Variants in MGLL observed in about 807,000 individuals in gnomAD.
MGLL encodes the protein lysophospholipase homolog.
MGLL carries 7 observed loss-of-function variants against 29.1 expected under a neutral mutation model. That is an observed-to-expected ratio of 0.24 (90% CI 0.14 to 0.45). The LOEUF (loss-of-function observed/expected upper bound fraction) is 0.45. Ranked by LOEUF, MGLL falls within the 20% of genes least tolerant of loss-of-function variation. The pLI is 0.99. For synonymous variants in MGLL, 148 were observed against 168.3 expected, an observed-to-expected ratio of 0.88 and a Z score of 0.93; for missense variants, 356 against 413.6, an observed-to-expected ratio of 0.86 and a Z score of 1.21.
At position 127,737,630 on chromosome 3, in the gene MGLL, C is replaced by CTTTTTTT. The variant is rs774965066; in HGVS notation, c.263-15071_263-15065dup. Among the ~76,000 whole-genome samples, 482 of 68,588 alleles carry CTTTTTTT rather than the reference C, an allele frequency of 7.0e-3. 44 individuals carry two copies. Among genetic ancestry groups the CTTTTTTT allele is most frequent in the African/African-American group, 0.016 (215 of 13,568 alleles). 45.0% of individuals were successfully genotyped at this position (68,588 alleles called of 152,430 possible). ...GACACAGTGAAATCATCAACTGCTT[C>CTTTTTTT]TTTTTTTTTTTTTTTTTTTTTTTTT... On this transcript the variant is annotated intron_variant, in intron 3 of 7. Coordinates refer to ENST00000265052, the MANE Select transcript of MGLL (RefSeq NM_007283.7).
intron 6 of MGLL, among the ~76,000 whole-genome samples, chr3:127,700,208 G>T (rs565924231): frequency 6.6e-6 from 1 of 152,256 alleles, no homozygotes; most frequent in South Asian, 2.1e-4. Flanking sequence ...TTAGAAACCT[G>T]CAGGAACCCT....
In MGLL at chr3:127,720,908, G is replaced by A. The variant is rs889104785; in HGVS notation, c.510+145C>T. 21 of 740,550 alleles carry A rather than the reference G, an allele frequency of 2.8e-5. 1 individual carries two copies. Among genetic ancestry groups the A allele is most frequent in the South Asian group, 2.5e-4 (16 of 64,914 alleles). 45.9% of individuals were successfully genotyped at this position (740,550 alleles called of 1,614,324 possible). On this transcript the variant is annotated intron_variant, in intron 5 of 7. Coordinates refer to ENST00000265052, the MANE Select transcript of MGLL (RefSeq NM_007283.7). The stretch of plus-strand genomic sequence containing the variant: ...ATTACAGAACCCCGGTGGCAACAGT[G>A]TTGGATATTTGTCCAACCCCTCACG...
At chr3:127,767,914 C>T (rs1349574273) in intron 3 of MGLL, among the ~76,000 whole-genome samples, 1 of 152,164 alleles carries the variant, frequency 6.6e-6, no homozygotes, top group Non-Finnish European at 1.5e-5. Context: ...ACTGTTTAAT[C>T]CTCATAACAA....
intron 3 of MGLL, among the ~76,000 whole-genome samples, chr3:127,747,486 T>C (rs535493293): frequency 6.6e-6 from 1 of 152,228 alleles, no homozygotes; most frequent in South Asian, 2.1e-4. Context: ...TGTCTTTGTA[T>C]CTCCAGCACC....
chr3:127,770,624 G>A (rs1165140016), intron 3 of MGLL, among the ~76,000 whole-genome samples: 1 of 152,174 alleles, frequency 6.6e-6, no homozygotes, highest in Non-Finnish European at 1.5e-5. Context: ...AGGGCCAGGT[G>A]CAGCTGCATA....
intron 3 of MGLL, among the ~76,000 whole-genome samples, chr3:127,726,596 T>A (rs563653889): frequency 6.6e-6 from 1 of 151,928 alleles, no homozygotes; most frequent in Non-Finnish European, 1.5e-5. Context: ...GCCCAGCTAA[T>A]TTTTTTCTAT....
At chr3:127,769,472 C>T (rs2076913661) in intron 3 of MGLL, among the ~76,000 whole-genome samples, 1 of 152,248 alleles carries the variant, frequency 6.6e-6, no homozygotes, top group East Asian at 1.9e-4. Flanking sequence ...GCTGCCCTCA[C>T]TTAGTGCCAT....
intron 3 of MGLL, among the ~76,000 whole-genome samples, chr3:127,755,552 ATGCAGCGGCGAGACTCAG>A (rs1415016096): frequency 6.6e-6 from 1 of 152,160 alleles, no homozygotes; most frequent in African/African-American, 2.4e-5. Context: ...GGCGGACCAC[ATGCAGCGGCGAGACTCAG>A]TGCAGCCGGG....
intron 3 of MGLL, chr3:127,735,999 C>T (rs1223318198): frequency 1.4e-6 from 2 of 1,421,204 alleles, no homozygotes; most frequent in Non-Finnish European, 1.8e-6. Flanking sequence ...ACGCTAAAAG[C>T]TCCCAGGTTT....
chr3:127,715,942 T>C (rs186621505), intron 5 of MGLL: 76 of 407,194 alleles, frequency 1.9e-4, no homozygotes, highest in African/African-American at 1.4e-3. Flanking sequence ...TACAGGAGCA[T>C]TGAGAGAGCC....
At position 127,733,440 on chromosome 3, in the gene MGLL, C is replaced by G. The variant is rs558732826; in HGVS notation, c.263-10874G>C. Among the ~76,000 whole-genome samples, 10 of 152,316 alleles carry G rather than the reference C, an allele frequency of 6.6e-5. No homozygotes were observed. In the South Asian group the frequency reaches 2.1e-3, roughly 32 times the overall value. The stretch of plus-strand genomic sequence containing the variant: ...TTTCATGTTACTCTATGGACTCCCT[C>G]TAAATTCCTTCTTGCTTAAGATCCA... On this transcript the variant is annotated intron_variant, in intron 3 of 7. Transcript: ENST00000265052.
At chr3:127,738,441 C>G (rs2076281682) in intron 3 of MGLL, among the ~76,000 whole-genome samples, 2 of 152,182 alleles carry the variant, frequency 1.3e-5, no homozygotes, top group Non-Finnish European at 2.9e-5. Flanking sequence ...AATTCTACCT[C>G]CCAAGGAGCT....
chr3:127,784,240 G>T (rs1251334076), intron 2 of MGLL, among the ~76,000 whole-genome samples: 1 of 152,140 alleles, frequency 6.6e-6, no homozygotes, highest in Non-Finnish European at 1.5e-5. Flanking sequence ...GAGTCACCTG[G>T]GGAGCTTTCA....
intron 4 of MGLL, among the ~76,000 whole-genome samples, chr3:127,721,553 A>G (rs1171326734): frequency 7.1e-6 from 1 of 141,826 alleles, no homozygotes; most frequent in Non-Finnish European, 1.5e-5. Flanking sequence ...TCTGATCATA[A>G]TAATAGATTG....
At chr3:127,726,673 A>T (rs2076053059) in intron 3 of MGLL, among the ~76,000 whole-genome samples, 1 of 151,918 alleles carries the variant, frequency 6.6e-6, no homozygotes, top group Non-Finnish European at 1.5e-5. Flanking sequence ...CTTGTGATCC[A>T]CCCACCTCAG....
At chr3:127,765,509 T>TGGCA (rs2076840769) in intron 3 of MGLL, among the ~76,000 whole-genome samples, 2 of 152,262 alleles carry the variant, frequency 1.3e-5, no homozygotes, top group Admixed American at 6.5e-5. Context: ...AGCATTCAGA[T>TGGCA]GGCACACTTG....
At position 127,756,024 on chromosome 3, in the gene MGLL, G is replaced by A. The variant is rs146449572; in HGVS notation, c.262+25765C>T. Among the ~76,000 whole-genome samples the A allele has an allele frequency of 2.0e-3, 312 of 152,318 alleles. 5 individuals carry two copies. The highest frequency in any genetic ancestry group is 1.2e-3 in the Non-Finnish European group (80 of 68,026). On this transcript the variant is annotated intron_variant, in intron 3 of 7. Transcript: ENST00000265052. The stretch of plus-strand genomic sequence containing the variant: ...TGGTCATTGAGACACAGGATGGCAT[G>A]GATAGATGGAACTTCCAGAAAGGCT...
chr3:127,806,922 C>T (rs1480423133), intron 2 of MGLL, among the ~76,000 whole-genome samples: 2 of 152,124 alleles, frequency 1.3e-5, no homozygotes, highest in Non-Finnish European at 2.9e-5. Context: ...ATTTTTGCAT[C>T]TCTATTCATA....
chr3:127,694,005 C>T lies in MGLL; in HGVS notation c.816+970G>A, dbSNP rs541126353. ...AAATATATTTTGCTGGGTGAGGTGG[C>T]TCACGCCTGCAATCCCAGCACTTTG... is the stretch of plus-strand genomic sequence containing the variant. On this transcript the variant is annotated intron_variant, in intron 7 of 7. Coordinates refer to ENST00000265052, the MANE Select transcript of MGLL (RefSeq NM_007283.7). Among the ~76,000 whole-genome samples, 9 of 152,244 alleles carry T rather than the reference C, an allele frequency of 5.9e-5. No individual in the cohort carries two copies. In the South Asian group the frequency reaches 1.5e-3, roughly 25 times the overall value.
Sources: allele counts gnomAD v4.1 joint callset (sites outside exome capture counted in the v4.1 genomes callset), GRCh38; gene constraint gnomAD v4.1.1; transcripts MANE v1.5; gene names NCBI Gene and HGNC (gene_info 2026-07-23, HGNC 2026-07-21).